Variants in MNS1 observed in about 807,000 individuals in gnomAD.
MNS1 encodes the protein meiosis specific nuclear structural 1.
Under a neutral mutation model 72.0 loss-of-function variants are expected in MNS1, and 63 were observed. The observed-to-expected ratio is 0.87, with a 90% CI of 0.71 to 1.08. The LOEUF (loss-of-function observed/expected upper bound fraction) is 1.08. MNS1 is among the 50% of genes least tolerant of loss of function. The probability of loss-of-function intolerance (pLI) is 0.00; values close to 1 mark genes in which losing one functional copy is unlikely to be tolerated. For missense variants in MNS1, 604 were observed against 562.4 expected (o/e 1.07, Z -0.75); for synonymous variants, 188 against 172.1 (o/e 1.09, Z -0.72).
chr15:56,460,508 A>G (rs891476960), intron 2 of MNS1, among the ~76,000 whole-genome samples: 1 of 152,208 alleles, frequency 6.6e-6, no homozygotes, highest in Non-Finnish European at 1.5e-5. Context: ...CTCACAGTTA[A>G]CAGTATTCCA....
chr15:56,455,332 G>C (rs1160627040), intron 3 of MNS1, among the ~76,000 whole-genome samples: 1 of 148,146 alleles, frequency 6.8e-6, no homozygotes, highest in Non-Finnish European at 1.5e-5. Context: ...TTTGAGACTA[G>C]AACAATAAGC....
At chr15:56,457,113 A>G (rs778009645) in intron 2 of MNS1, among the ~76,000 whole-genome samples, 1 of 152,150 alleles carries the variant, frequency 6.6e-6, no homozygotes, top group Non-Finnish European at 1.5e-5. Context: ...TCTCTTATAT[A>G]TTCTGTAACA....
intron 3 of MNS1, among the ~76,000 whole-genome samples, chr15:56,449,617 TTC>T (rs1206594910): frequency 6.6e-6 from 1 of 152,164 alleles, no homozygotes; most frequent in African/African-American, 2.4e-5. Flanking sequence ...CTTCCTCTTT[TTC>T]TGTTTTACAG....
At position 56,464,255 on chromosome 15, in the gene MNS1, G is replaced by T; in HGVS notation, c.4-8C>A. 6.5e-7 allele frequency: 1 copy of T among 1,547,056 alleles called. No individual in the cohort carries two copies. Among genetic ancestry groups the T allele is most frequent in the Non-Finnish European group, 8.7e-7 (1 of 1,146,942 alleles). On this transcript the variant is annotated splice_region_variant and splice_polypyrimidine_tract_variant and intron_variant, in intron 1 of 9. Coordinates refer to ENST00000260453, the MANE Select transcript of MNS1 (RefSeq NM_018365.4). ...ATTTCTCCTTTTGGAACCCTACGAT[G>T]GAAGAAAAAAAAAGATGCATATTTT...
At chr15:56,431,859 A>C (rs967091836) in intron 8 of MNS1, among the ~76,000 whole-genome samples, 1 of 151,974 alleles carries the variant, frequency 6.6e-6, no homozygotes, top group Non-Finnish European at 1.5e-5. Context: ...AAAACAAAAA[A>C]TAGTGAATAA....
intron 3 of MNS1, among the ~76,000 whole-genome samples, chr15:56,448,618 C>G (rs1468451206): frequency 6.6e-6 from 1 of 152,138 alleles, no homozygotes; most frequent in Non-Finnish European, 1.5e-5. Context: ...ACCACATTTT[C>G]TTTACCCAAT....
intron 9 of MNS1, chr15:56,429,528 C>T (rs1265863266): frequency 5.8e-6 from 1 of 173,034 alleles, no homozygotes; most frequent in African/African-American, 2.4e-5. Flanking sequence ...CTTTAAATAG[C>T]TCTATAATAT....
chr15:56,432,587 T>G (rs1382437576), intron 8 of MNS1, among the ~76,000 whole-genome samples: 2 of 152,182 alleles, frequency 1.3e-5, no homozygotes, highest in Non-Finnish European at 2.9e-5. Context: ...CATTTATAAG[T>G]CTTTAAAAAT....
chr15:56,462,879 G>A (rs2051032215), intron 2 of MNS1, among the ~76,000 whole-genome samples: 1 of 151,974 alleles, frequency 6.6e-6, no homozygotes, highest in Non-Finnish European at 1.5e-5. Context: ...TGTGATACCT[G>A]GGATATTCTT....
intron 8 of MNS1, among the ~76,000 whole-genome samples, chr15:56,433,178 G>A (rs12910212): frequency 0.31 from 45,346 of 147,354 alleles, 7,647 homozygotes; most frequent in Middle Eastern, 0.49. Context: ...TCCTTAGGAT[G>A]TCACCCAGTC....
intron 2 of MNS1, among the ~76,000 whole-genome samples, chr15:56,460,968 G>GTTGAGT (rs1639727486): frequency 6.6e-6 from 1 of 152,152 alleles, no homozygotes; most frequent in African/African-American, 2.4e-5. Flanking sequence ...GAGTCCTAAA[G>GTTGAGT]CCTGAGAACC....
intron 2 of MNS1, among the ~76,000 whole-genome samples, chr15:56,460,009 A>AAATATAT: frequency 1.5e-4 from 4 of 26,388 alleles, no homozygotes; most frequent in Admixed American, 5.6e-4. Context: ...AAAAAAAAAA[A>AAATATAT]ATACATATAT....
intron 7 of MNS1, 52 bp from the exon 8 acceptor site, chr15:56,434,447 T>A: frequency 6.6e-7 from 1 of 1,524,594 alleles, no homozygotes; most frequent in Non-Finnish European, 8.9e-7. Flanking sequence ...TACACCAGAT[T>A]TATAAGGAAA....
At chr15:56,456,173 G>A (rs1328203796) in intron 3 of MNS1, among the ~76,000 whole-genome samples, 3 of 151,826 alleles carry the variant, frequency 2.0e-5, no homozygotes, top group Non-Finnish European at 4.4e-5. Flanking sequence ...AAGAGCAGGG[G>A]GACTGATATT....
chr15:56,455,449 TTAATA>T (rs2050975850), intron 3 of MNS1, among the ~76,000 whole-genome samples: 1 of 152,098 alleles, frequency 6.6e-6, no homozygotes, highest in Admixed American at 6.6e-5. Flanking sequence ...GCCAAACATA[TTAATA>T]TAATTTAACA....
At chr15:56,433,422 A>AAAAG (rs1438023252) in intron 8 of MNS1, among the ~76,000 whole-genome samples, 1 of 50,212 alleles carries the variant, frequency 2.0e-5, no homozygotes, top group Admixed American at 2.0e-4. Flanking sequence ...GAACTTAAAA[A>AAAAG]TATTAAAAAA....
At chr15:56,444,317 T>G in intron 5 of MNS1, 127 bp downstream of exon 5, 1 of 708,472 alleles carries the variant, frequency 1.4e-6, no homozygotes, top group South Asian at 2.0e-5. Context: ...TATGTTTTCA[T>G]AGCTAGTATT....
chr15:56,435,684 A>T (rs1004622147), intron 7 of MNS1, among the ~76,000 whole-genome samples: 1 of 152,168 alleles, frequency 6.6e-6, no homozygotes, highest in African/African-American at 2.4e-5. Context: ...ATAACTTAAA[A>T]TTCCTCCAAA....
At chr15:56,442,229 T>C (rs2050828045) in intron 7 of MNS1, among the ~76,000 whole-genome samples, 1 of 151,866 alleles carries the variant, frequency 6.6e-6, no homozygotes, top group Non-Finnish European at 1.5e-5. Flanking sequence ...CACAAAAGAA[T>C]GGATGCTGAC....
Sources: gnomAD v4.1 joint callset for allele counts (sites outside exome capture counted in the v4.1 genomes callset) on GRCh38, gnomAD v4.1.1 for gene constraint, MANE v1.5 for transcripts, NCBI Gene and HGNC (gene_info 2026-07-23, HGNC 2026-07-21) for gene names.